Variants in SNX32 observed in about 807,000 individuals in gnomAD.
SNX32 encodes sorting nexin 32, also known as sorting nexin-32.
In SNX32, 58 loss-of-function variants were observed where a neutral mutation model predicts 57.0. The observed-to-expected ratio is 1.02, with a 90% CI of 0.82 to 1.27. SNX32 has a LOEUF of 1.27. SNX32 is among the 50% of genes most tolerant of loss of function. SNX32 has a pLI of 0.00. For synonymous variants in SNX32, 262 were observed against 220.4 expected (o/e 1.19, Z -1.67); for missense variants, 589 against 541.2 (o/e 1.09, Z -0.88).
chr11:65,849,255 A>C (rs1859087983), intron 1 of SNX32, among the ~76,000 whole-genome samples: 1 of 152,186 alleles, frequency 6.6e-6, no homozygotes, highest in Non-Finnish European at 1.5e-5. Context: ...ACAGCTGTAA[A>C]ATGGGAAGTT....
chr11:65,841,312 C>T (rs954133013), intron 1 of SNX32, among the ~76,000 whole-genome samples: 25 of 151,546 alleles, frequency 1.6e-4, no homozygotes, highest in African/African-American at 6.1e-4. Context: ...TCATGGCTCA[C>T]AGCAGCCTCG....
In SNX32 at chr11:65,852,618, C is replaced by T; in HGVS notation, c.913-12C>T. On this transcript the variant is annotated splice_polypyrimidine_tract_variant and intron_variant, in intron 10 of 12. Coordinates refer to ENST00000308342, the MANE Select transcript of SNX32 (RefSeq NM_152760.3). ...GGACAGGGCAGCAGTGACCCTGTGCCCATGGTCCTAGGACCTGCTGTACCG... is the reference window on the plus strand; with the variant it reads ...GGACAGGGCAGCAGTGACCCTGTGCTCATGGTCCTAGGACCTGCTGTACCG... 1 of 1,612,878 alleles carries T rather than the reference C, an allele frequency of 6.2e-7. No homozygotes were observed. The highest frequency in any genetic ancestry group is 1.3e-5 in the African/African-American group (1 of 75,034).
chr11:65,838,232 T>TA (rs1442117599), intron 1 of SNX32, among the ~76,000 whole-genome samples: 2 of 148,388 alleles, frequency 1.3e-5, no homozygotes, highest in Non-Finnish European at 3.0e-5. Flanking sequence ...GAAGGAGAAA[T>TA]AAAGAGGGAC....
rs199522276 is a variant in SNX32 at position 65,852,669 on chromosome 11, G to A, written c.952G>A (p.Glu318Lys). ...GCGGCTGCGGGCACTGGCCGACTACGAGAATGCCAACAAGGCGCTGGACAA... is the reference window on the plus strand; with the variant it reads ...GCGGCTGCGGGCACTGGCCGACTACAAGAATGCCAACAAGGCGCTGGACAA... Reference protein sequence around the residue: ...YRRLRALADYENANKALDKAR... With the variant: ...YRRLRALADYKNANKALDKAR... The change falls in exon 11 of 13, where the codon GAG becomes AAG. Residue 318 changes from glutamate to lysine, a missense_variant. By Grantham distance (56) the Glu-to-Lys change is moderately conservative. Coordinates refer to ENST00000308342, the MANE Select transcript of SNX32 (RefSeq NM_152760.3). The A allele has an allele frequency of 1.8e-4, 285 of 1,599,098 alleles. 1 individual carries two copies. In the African/African-American group the frequency reaches 3.3e-3, roughly 19 times the overall value.
In SNX32 at chr11:65,852,901, C is replaced by T; in HGVS notation, c.1101C>T (p.Val367=). 6.2e-7 allele frequency: 1 copy of T among 1,614,170 alleles called. No individual in the cohort carries two copies. The highest frequency in any genetic ancestry group is 8.5e-7 in the Non-Finnish European group (1 of 1,180,012). The change falls in exon 12 of 13, where the codon GTC becomes GTT. Residue 367 remains valine (V), a synonymous_variant. Coordinates refer to ENST00000308342, the MANE Select transcript of SNX32 (RefSeq NM_152760.3). ...QELMDFKSRR[V]SSFRKNLIEL... The stretch of plus-strand genomic sequence containing the variant: ...TCATGGACTTCAAGTCCCGCCGGGT[C>T]TCCTCTTTTCGAAAGAATCTCATTG...
chr11:65,850,384 G>A, intron 4 of SNX32, 47 bp from the exon 5 acceptor site: 1 of 1,612,732 alleles, frequency 6.2e-7, no homozygotes, highest in Non-Finnish European at 8.5e-7. Context: ...GGGCAGGCAG[G>A]ATGATGGGGG....
At chr11:65,837,339 C>T (rs1278726730) in intron 1 of SNX32, among the ~76,000 whole-genome samples, 1 of 151,974 alleles carries the variant, frequency 6.6e-6, no homozygotes, top group Non-Finnish European at 1.5e-5. Context: ...TATAAGGACA[C>T]AGAAGGGTTG....
Position 65,850,163 on chromosome 11 carries a change from C to T in SNX32, c.266C>T (p.Pro89Leu). ...EYAGLIIPPA[P>L]PRPDFEASRE... is the part of the protein sequence containing the mutation. ...TCCTTTGAGCAGATCCCCCCAGCCC[C>T]TCCGAGGCCAGACTTTGAGGCTTCG... Residue 89 changes from proline (P) to leucine (L), a missense_variant, in exon 4 of 13, where the codon CCT becomes CTT. Coordinates refer to ENST00000308342, the MANE Select transcript of SNX32 (RefSeq NM_152760.3). 2 of 1,614,258 alleles carry T rather than the reference C, an allele frequency of 1.2e-6. No homozygotes were observed. Among genetic ancestry groups the T allele is most frequent in the Non-Finnish European group, 8.5e-7 (1 of 1,180,040 alleles).
chr11:65,840,545 G>C (rs930244925), intron 1 of SNX32, among the ~76,000 whole-genome samples: 2 of 152,214 alleles, frequency 1.3e-5, no homozygotes, highest in Admixed American at 1.3e-4. Flanking sequence ...GCTCAGGCCT[G>C]TAATCTCTGC....
intron 1 of SNX32, among the ~76,000 whole-genome samples, chr11:65,840,991 G>A (rs2134690677): frequency 6.6e-6 from 1 of 151,760 alleles, no homozygotes; most frequent in East Asian, 1.9e-4. Context: ...TGTCACCCAG[G>A]CTGGAGTGCA....
chr11:65,850,199 T>G lies in SNX32; in HGVS notation c.302T>G (p.Leu101Arg). 1 of 1,614,208 alleles carries G rather than the reference T, an allele frequency of 6.2e-7. No individual in the cohort carries two copies. The highest frequency in any genetic ancestry group is 8.5e-7 in the Non-Finnish European group (1 of 1,180,026). ...GACTTTGAGGCTTCGAGGGAAAAGC[T>G]ACAGAAATTGGGCGAGGGGGACAGC... ...RPDFEASREKLQKLGEGDSSV... is the reference protein window; with the variant it reads ...RPDFEASREKRQKLGEGDSSV... Residue 101 changes from leucine to arginine, a missense_variant, in exon 4 of 13, where the codon CTA becomes CGA. Transcript: ENST00000308342.
intron 1 of SNX32, among the ~76,000 whole-genome samples, chr11:65,835,845 G>A (rs1858655637): frequency 6.6e-6 from 1 of 152,066 alleles, no homozygotes; most frequent in Non-Finnish European, 1.5e-5. Flanking sequence ...GGTTTAGAGG[G>A]GCAAGAGGGG....
intron 1 of SNX32, among the ~76,000 whole-genome samples, chr11:65,840,492 G>C (rs1002372423): frequency 9.2e-5 from 14 of 152,084 alleles, no homozygotes; most frequent in African/African-American, 3.4e-4. Context: ...TAGATTATAG[G>C]ACTGTATATG....
chr11:65,849,594 C>A lies in SNX32; in HGVS notation c.141+12C>A, dbSNP rs776432644. 6.2e-7 allele frequency: 1 copy of A among 1,610,838 alleles called. No homozygotes were observed. Among genetic ancestry groups the A allele is most frequent in the Non-Finnish European group, 8.5e-7 (1 of 1,177,618 alleles). ...CTGTTCAAACAAAGGTGAGGCAGTGCGGGGCACGAGGAAAGGTCCTGGTGG... is the reference window on the plus strand; with the variant it reads ...CTGTTCAAACAAAGGTGAGGCAGTGAGGGGCACGAGGAAAGGTCCTGGTGG... On this transcript the variant is annotated intron_variant, in intron 2 of 12. Transcript: ENST00000308342.
intron 1 of SNX32, among the ~76,000 whole-genome samples, chr11:65,841,401 T>A (rs1858837858): frequency 6.6e-6 from 1 of 152,044 alleles, no homozygotes; most frequent in Middle Eastern, 3.2e-3. Flanking sequence ...CACACCTGGC[T>A]AATTTTTGTA....
chr11:65,850,176 CT>C lies in SNX32; in HGVS notation c.282del (p.Phe94LeufsTer26). ...TCCCCCCAGCCCCTCCGAGGCCAGACTTTGAGGCTTCGAGGGAAAAGCTACA... is the reference window on the plus strand; with the variant it reads ...TCCCCCCAGCCCCTCCGAGGCCAGACTTGAGGCTTCGAGGGAAAAGCTACA... The part of the protein sequence containing the change: ...IIPPAPPRPD[F>X]EASREKLQKL... On this transcript the variant is annotated frameshift_variant, in exon 4 of 13. Coordinates refer to ENST00000308342, the MANE Select transcript of SNX32 (RefSeq NM_152760.3). LOFTEE classifies it high-confidence loss of function. 6.2e-7 allele frequency: 1 copy of C among 1,614,242 alleles called. No individual in the cohort carries two copies. The highest frequency in any genetic ancestry group is 1.3e-5 in the African/African-American group (1 of 75,070).
chr11:65,851,097 G>A lies in SNX32; in HGVS notation c.646G>A (p.Glu216Lys). 2 of 1,613,972 alleles carry A rather than the reference G, an allele frequency of 1.2e-6. No individual in the cohort carries two copies. The highest frequency in any genetic ancestry group is 1.7e-6 in the Non-Finnish European group (2 of 1,179,998). The stretch of plus-strand genomic sequence containing the variant: ...TGAGCATGAGAGGACCTTCCTGTTG[G>A]AGTATCACACCCGTATCCGAGATGC... ...FFEHERTFLL[E>K]YHTRIRDACL... Residue 216 changes from glutamate (E) to lysine (K), a missense_variant, in exon 7 of 13, where the codon GAG becomes AAG. Coordinates refer to ENST00000308342, the MANE Select transcript of SNX32 (RefSeq NM_152760.3).
At position 65,853,300 on chromosome 11, in the gene SNX32, C is replaced by T. The variant is rs150830078; in HGVS notation, c.1177C>T (p.Arg393Trp). The change falls in exon 13 of 13, where the codon CGG becomes TGG. Residue 393 changes from arginine (R) to tryptophan (W), a missense_variant. Transcript: ENST00000308342. ...KHAKASTLILRNTLVALKGEP is the reference protein window; with the variant it reads ...KHAKASTLILWNTLVALKGEP ...TCTGCAGGCCAGCACCCTGATTCTCCGGAACACCCTTGTTGCCCTAAAGGG... is the reference window on the plus strand; with the variant it reads ...TCTGCAGGCCAGCACCCTGATTCTCTGGAACACCCTTGTTGCCCTAAAGGG... 2.7e-5 allele frequency: 43 copies of T among 1,613,968 alleles called. 1 individual carries two copies. The highest frequency in any genetic ancestry group is 3.3e-5 in the South Asian group (3 of 91,088).
chr11:65,852,596 C>G, intron 10 of SNX32, 34 bp from the exon 11 acceptor site: 1 of 1,613,774 alleles, frequency 6.2e-7, no homozygotes, highest in African/African-American at 1.3e-5. Flanking sequence ...GATGCCAGGA[C>G]AGGGCAGCAG....
Sources: allele counts gnomAD v4.1 joint callset (sites outside exome capture counted in the v4.1 genomes callset), GRCh38; gene constraint gnomAD v4.1.1; transcripts MANE v1.5; gene names NCBI Gene and HGNC (gene_info 2026-07-23, HGNC 2026-07-21).